Variants in KCNMA1 observed in about 807,000 individuals in gnomAD.
KCNMA1 encodes potassium calcium-activated channel subfamily M alpha 1, also known as Calcium-activated potassium channel subunit alpha-1.
In KCNMA1, 29 loss-of-function variants were observed where a neutral mutation model predicts 140.0. The ratio of observed to expected loss-of-function variants is 0.21; its 90% CI spans 0.15 to 0.28. The LOEUF is 0.28. KCNMA1 is among the 10% of genes least tolerant of loss of function. The pLI is 1.00. For missense variants in KCNMA1, 880 were observed against 1,602.2 expected (o/e 0.55, Z 7.70); for synonymous variants, 612 against 611.9 (o/e 1.00, Z 0.00).
intron 14 of KCNMA1, among the ~76,000 whole-genome samples, chr10:77,041,728 C>T (rs939656880): frequency 6.6e-5 from 10 of 152,218 alleles, no homozygotes; most frequent in African/African-American, 2.2e-4. Context: ...TGGCTGCAGC[C>T]TCTCAGGCTT....
intron 14 of KCNMA1, among the ~76,000 whole-genome samples, chr10:77,063,417 C>A (rs1438216431): frequency 6.6e-6 from 1 of 151,924 alleles, no homozygotes; most frequent in Non-Finnish European, 1.5e-5. Context: ...CGCACTCCAG[C>A]CTGGGTGAGA....
chr10:77,043,836 C>A (rs2094879720), intron 14 of KCNMA1, among the ~76,000 whole-genome samples: 1 of 152,016 alleles, frequency 6.6e-6, no homozygotes, highest in South Asian at 2.1e-4. Flanking sequence ...CCAGGGGTTG[C>A]AGGGAGAGGG....
In KCNMA1 at chr10:77,336,055, G is replaced by C. The variant is rs548745574; in HGVS notation, c.540+67807C>G. Among the ~76,000 whole-genome samples the C allele has an allele frequency of 1.2e-4, 19 of 152,272 alleles. No individual in the cohort carries two copies. In the South Asian group the frequency reaches 3.9e-3, roughly 32 times the overall value. ...GTAATGCATACAGCAGATGCAGGGG[G>C]AAGTTGGGAAAAAAATAGTAATGGA... On this transcript the variant is annotated intron_variant, in intron 2 of 27. Transcript: ENST00000286628.
chr10:76,974,743 C>T (rs1388893980), intron 19 of KCNMA1, among the ~76,000 whole-genome samples: 2 of 152,120 alleles, frequency 1.3e-5, no homozygotes, highest in East Asian at 3.9e-4. Context: ...TGACTTCCTG[C>T]AATTCTTTTT....
intron 5 of KCNMA1, among the ~76,000 whole-genome samples, chr10:77,151,340 C>T (rs2098415263): frequency 0.028 from 1 of 36 alleles, no homozygotes; most frequent in Admixed American, 0.25. Context: ...GATTCCCGGG[C>T]CTCAGCCTCC....
At chr10:77,222,411 C>G (rs1157974452) in intron 3 of KCNMA1, among the ~76,000 whole-genome samples, 1 of 152,196 alleles carries the variant, frequency 6.6e-6, no homozygotes, top group Non-Finnish European at 1.5e-5. Context: ...ATGTGATAAG[C>G]AAAGCCTAAA....
intron 2 of KCNMA1, among the ~76,000 whole-genome samples, chr10:77,264,008 C>CA (rs2062728286): frequency 6.6e-6 from 1 of 152,198 alleles, no homozygotes; most frequent in African/African-American, 2.4e-5. Context: ...TTCTTACAGA[C>CA]AAACTACCCT....
intron 19 of KCNMA1, among the ~76,000 whole-genome samples, chr10:76,990,614 A>G (rs1311451574): frequency 6.6e-6 from 1 of 152,140 alleles, no homozygotes; most frequent in Non-Finnish European, 1.5e-5. Flanking sequence ...CATTCCTAGC[A>G]TAGTTGCAGC....
chr10:76,885,016 C>A lies in KCNMA1; in HGVS notation c.*2250G>T, dbSNP rs1198814569. The A allele has an allele frequency of 6.5e-7, 1 of 1,547,778 alleles. No individual in the cohort carries two copies. The highest frequency in any genetic ancestry group is 2.5e-5 in the East Asian group (1 of 40,716). On this transcript the variant is annotated 3_prime_UTR_variant, in exon 28 of 28. Coordinates refer to ENST00000286628, the MANE Select transcript of KCNMA1 (RefSeq NM_001161352.2). ...TGGCCCATTCTATTCATCCTTGTTG[C>A]ACTTTAGAGAGAGAAGTAAGCTATG...
intron 1 of KCNMA1, among the ~76,000 whole-genome samples, chr10:77,590,599 C>A (rs943781508): frequency 6.6e-6 from 1 of 152,216 alleles, no homozygotes; most frequent in Non-Finnish European, 1.5e-5. Context: ...GCTGAGGGAG[C>A]CGGCTCCGGC....
At chr10:77,240,648 A>T (rs147775266) in intron 3 of KCNMA1, among the ~76,000 whole-genome samples, 37 of 152,342 alleles carry the variant, frequency 2.4e-4, no homozygotes, top group Non-Finnish European at 3.7e-4. Flanking sequence ...TGGAGATTCA[A>T]CATAAAATGC....
intron 1 of KCNMA1, among the ~76,000 whole-genome samples, chr10:77,603,878 A>T (rs945576748): frequency 6.6e-6 from 1 of 152,174 alleles, no homozygotes; most frequent in African/African-American, 2.4e-5. Context: ...CACTTGCTAC[A>T]TGTGTGGCCT....
At chr10:77,061,763 C>A (rs796672446) in intron 14 of KCNMA1, among the ~76,000 whole-genome samples, 4 of 152,098 alleles carry the variant, frequency 2.6e-5, no homozygotes, top group African/African-American at 9.7e-5. Context: ...AAATGGTGTC[C>A]AATGGATGAA....
rs1051686470 is a variant in KCNMA1 at position 77,241,341 on chromosome 10, C to T, written c.602+9854G>A. ...AGAAAATAAATATAATAATAAATGA[C>T]GAATAATAACAACGAATCCAGGCTG... On this transcript the variant is annotated intron_variant, in intron 3 of 27. Coordinates refer to ENST00000286628, the MANE Select transcript of KCNMA1 (RefSeq NM_001161352.2). Among the ~76,000 whole-genome samples the T allele has an allele frequency of 7.2e-5, 11 of 152,050 alleles. No homozygotes were observed. The South Asian group carries it at 8.3e-4, about 11-fold the overall frequency.
At chr10:77,168,781 C>A (rs1486266685) in intron 5 of KCNMA1, among the ~76,000 whole-genome samples, 1 of 152,094 alleles carries the variant, frequency 6.6e-6, no homozygotes, top group Non-Finnish European at 1.5e-5. Flanking sequence ...CTATTGTATG[C>A]AAAACATAGT....
intron 2 of KCNMA1, among the ~76,000 whole-genome samples, chr10:77,276,394 G>A (rs1195435605): frequency 6.6e-6 from 1 of 152,204 alleles, no homozygotes; most frequent in East Asian, 1.9e-4. Flanking sequence ...GCCTCCCACA[G>A]CAAAGGGCAT....
chr10:77,296,908 T>TTG lies in KCNMA1; in HGVS notation c.541-45653_541-45652insCA, dbSNP rs1555163764. 2.8e-3 allele frequency among the ~76,000 whole-genome samples: 221 copies of TTG among 80,334 alleles called. 2 individuals are homozygous for TTG. The highest frequency in any genetic ancestry group is 7.4e-3 in the African/African-American group (208 of 28,232). The allele number at this position is 80,334 out of a possible 152,430, so 52.7% of individuals were successfully genotyped here. On this transcript the variant is annotated intron_variant, in intron 2 of 27. Transcript: ENST00000286628. The stretch of plus-strand genomic sequence containing the variant: ...AATCTAAGAGGAATGCCTGGGTGTG[T>TTG]GGGCGGGGGGGCGGTGGGGGAATGT...
At chr10:77,534,495 C>G (rs1446184727) in intron 1 of KCNMA1, among the ~76,000 whole-genome samples, 1 of 152,170 alleles carries the variant, frequency 6.6e-6, no homozygotes, top group African/African-American at 2.4e-5. Flanking sequence ...CTTTCTCTAT[C>G]CACGTTTATG....
intron 3 of KCNMA1, among the ~76,000 whole-genome samples, chr10:77,209,518 A>C (rs2045290434): frequency 6.6e-6 from 1 of 152,318 alleles, no homozygotes; most frequent in Non-Finnish European, 1.5e-5. Context: ...TAGGAAACTA[A>C]TCCAAGGGAG....
Sources: allele counts gnomAD v4.1 joint callset (sites outside exome capture counted in the v4.1 genomes callset), GRCh38; gene constraint gnomAD v4.1.1; transcripts MANE v1.5; gene names NCBI Gene and HGNC (gene_info 2026-07-23, HGNC 2026-07-21).